Variants in TOP1MT observed in about 807,000 individuals in gnomAD.
TOP1MT encodes the protein DNA topoisomerase I, mitochondrial.
In TOP1MT, 80 loss-of-function variants were observed where a neutral mutation model predicts 73.9. The observed-to-expected ratio is 1.08, with a 90% CI of 0.90 to 1.30. The LOEUF is 1.30. Among genes scored for constraint, TOP1MT ranks in the 50% most tolerant of loss-of-function variants. The probability of loss-of-function intolerance (pLI) is 0.00; values close to 1 mark genes in which losing one functional copy is unlikely to be tolerated. For missense variants in TOP1MT, 815 were observed against 808.0 expected, an observed-to-expected ratio of 1.01 and a Z score of -0.10; for synonymous variants, 338 against 326.4, an observed-to-expected ratio of 1.04 and a Z score of -0.38.
intron 12 of TOP1MT, among the ~76,000 whole-genome samples, chr8:143,311,433 G>A (rs1816012100): frequency 6.6e-6 from 1 of 152,142 alleles, no homozygotes; most frequent in Non-Finnish European, 1.5e-5. Context: ...TCATCCTGAA[G>A]AGAAAACTTT....
rs562227483 is a variant in TOP1MT at position 143,332,191 on chromosome 8, T to C, written c.123-852A>G. Among the ~76,000 whole-genome samples, 11 of 152,348 alleles carry C rather than the reference T, an allele frequency of 7.2e-5. No individual in the cohort carries two copies. In the East Asian group the frequency reaches 2.1e-3, roughly 29 times the overall value. On this transcript the variant is annotated intron_variant, in intron 1 of 13. Coordinates refer to ENST00000329245, the MANE Select transcript of TOP1MT (RefSeq NM_052963.3). Reference sequence around the variant, plus strand: ...CCTGAACCAGCACTGCGCTGGGTCCTGCGGATGCAGATCACCAAAACCCAT... The same window carrying C: ...CCTGAACCAGCACTGCGCTGGGTCCCGCGGATGCAGATCACCAAAACCCAT...
At chr8:143,321,954 CACGCCACACACAT>C (rs1816423606) in intron 7 of TOP1MT, among the ~76,000 whole-genome samples, 1 of 130,254 alleles carries the variant, frequency 7.7e-6, no homozygotes, top group Non-Finnish European at 1.6e-5. Context: ...GCCACACACG[CACGCCACACACAT>C]GCTCACCACA....
chr8:143,355,131 T>C (rs1393667885), intron 1 of TOP1MT, among the ~76,000 whole-genome samples: 1 of 152,154 alleles, frequency 6.6e-6, no homozygotes, highest in East Asian at 1.9e-4. Flanking sequence ...AAGCGGCACA[T>C]GGCAGACACA....
At chr8:143,315,668 G>A (rs1816138070) in intron 12 of TOP1MT, 59 bp downstream of exon 12, 2 of 1,392,692 alleles carry the variant, frequency 1.4e-6, no homozygotes, top group East Asian at 2.3e-5. Flanking sequence ...CTGTGGGGCT[G>A]GACCCTACGG....
intron 7 of TOP1MT, among the ~76,000 whole-genome samples, chr8:143,323,284 C>T (rs1196701023): frequency 2.0e-5 from 2 of 101,688 alleles, no homozygotes; most frequent in Admixed American, 2.0e-4. Flanking sequence ...CACACGCACG[C>T]CACACACGCA....
At chr8:143,334,687 T>A (rs865925540) in intron 1 of TOP1MT, 53 bp downstream of exon 1, 2 of 1,589,292 alleles carry the variant, frequency 1.3e-6, no homozygotes, top group Middle Eastern at 1.7e-4. Context: ...TTTCTGGACC[T>A]ACCCAAGCCC....
intron 13 of TOP1MT, 33 bp from the exon 14 acceptor site, chr8:143,309,576 G>T: frequency 6.2e-7 from 1 of 1,611,696 alleles, no homozygotes. Flanking sequence ...AGGCAAGCAG[G>T]CAACTCACCC....
chr8:143,315,676 C>A (rs769823500), intron 12 of TOP1MT, 51 bp downstream of exon 12: 2 of 1,479,096 alleles, frequency 1.4e-6, no homozygotes, highest in African/African-American at 2.8e-5. Context: ...CTGGACCCTA[C>A]GGGTTGGGAC....
chr8:143,348,267 A>C (rs1002908755), upstream of TOP1MT, among the ~76,000 whole-genome samples: 8 of 152,350 alleles, frequency 5.3e-5, no homozygotes, highest in Admixed American at 3.3e-4. The surrounding 1 kb of genome is among the most constrained non-coding windows in gnomAD (Gnocchi z 4.6). Flanking sequence ...AAATCACAAG[A>C]AAATGTCCAC....
upstream of TOP1MT, among the ~76,000 whole-genome samples, chr8:143,338,229 C>A (rs1817016004): frequency 6.6e-6 from 1 of 152,084 alleles, no homozygotes; most frequent in South Asian, 2.1e-4. Flanking sequence ...TATGATCAGG[C>A]TACTGCACTC....
intron 12 of TOP1MT, among the ~76,000 whole-genome samples, chr8:143,312,963 A>G (rs1816051601): frequency 6.6e-6 from 1 of 152,232 alleles, no homozygotes; most frequent in Non-Finnish European, 1.5e-5. Context: ...CTGTGGTCCC[A>G]GCTACTCAGG....
chr8:143,340,412 T>C (rs1480299287), intron 2 of TOP1MT, among the ~76,000 whole-genome samples: 1 of 152,094 alleles, frequency 6.6e-6, no homozygotes, highest in East Asian at 1.9e-4. Context: ...TTCCACCTGC[T>C]GCCTTCGGCC....
chr8:143,354,002 T>G (rs556593259), intron 1 of TOP1MT, among the ~76,000 whole-genome samples: 28 of 147,242 alleles, frequency 1.9e-4, no homozygotes, highest in African/African-American at 6.9e-4. Context: ...CTGTTGGTTC[T>G]TCAGTAAATT....
chr8:143,311,474 G>A (rs1050260709), intron 12 of TOP1MT, among the ~76,000 whole-genome samples: 1 of 152,206 alleles, frequency 6.6e-6, no homozygotes, highest in South Asian at 2.1e-4. Flanking sequence ...CAGGCCAGGA[G>A]CAGTGGCTCA....
At chr8:143,357,080 T>G (rs1817422173), upstream of TOP1MT, among the ~76,000 whole-genome samples, 3 of 119,806 alleles carry the variant, frequency 2.5e-5, no homozygotes, top group Admixed American at 9.5e-5. Flanking sequence ...GGCGACAGAG[T>G]GAGACTCCAT....
Position 143,331,267 on chromosome 8 carries a change from G to C in TOP1MT, c.195C>G (p.Pro65=), listed in dbSNP as rs1293888477. The part of the protein sequence containing the change: ...QLEHKGPYFA[P]PYEPLPDGVR... ...CTCCGTCGGGAAGGGGCTCGTATGGGGGTGCGAAGTACGGGCCCTTGTGCT... is the reference window on the plus strand; with the variant it reads ...CTCCGTCGGGAAGGGGCTCGTATGGCGGTGCGAAGTACGGGCCCTTGTGCT... Residue 65 remains proline, a synonymous_variant, in exon 2 of 14, where the codon CCC becomes CCG. Transcript: ENST00000329245. The C allele has an allele frequency of 6.2e-7, 1 of 1,612,430 alleles. No individual in the cohort carries two copies. The highest frequency in any genetic ancestry group is 8.5e-7 in the Non-Finnish European group (1 of 1,178,742).
chr8:143,316,462 C>A (rs547516213), intron 10 of TOP1MT, among the ~76,000 whole-genome samples: 1 of 150,816 alleles, frequency 6.6e-6, no homozygotes, highest in Non-Finnish European at 1.5e-5. Flanking sequence ...CTTCCCCTGG[C>A]GAGTCTGTGG....
chr8:143,329,293 G>T, intron 3 of TOP1MT, 57 bp downstream of exon 3: 4 of 1,513,074 alleles, frequency 2.6e-6, no homozygotes, highest in Non-Finnish European at 3.5e-6. Context: ...CTGCAGAACC[G>T]CAGACGCCTA....
At chr8:143,320,492 C>T (rs1816300844) in intron 8 of TOP1MT, among the ~76,000 whole-genome samples, 1 of 152,122 alleles carries the variant, frequency 6.6e-6, no homozygotes, top group African/African-American at 2.4e-5. Flanking sequence ...GTCTCAAACT[C>T]CTGGGCTCAA....
Sources: gnomAD v4.1 joint callset for allele counts (sites outside exome capture counted in the v4.1 genomes callset) on GRCh38, gnomAD v4.1.1 for gene constraint, Gnocchi (gnomAD v3.1) non-coding constraint, MANE v1.5 for transcripts, NCBI Gene and HGNC (gene_info 2026-07-23, HGNC 2026-07-21) for gene names.